ARHGAP22: variants seen among roughly 807,000 people sequenced by gnomAD.
The protein encoded by ARHGAP22 is rho GTPase-activating protein 22.
A neutral mutation model predicts 59.1 loss-of-function variants in ARHGAP22; 48 were observed. That is an observed-to-expected ratio of 0.81 (90% CI 0.64 to 1.03). The LOEUF (loss-of-function observed/expected upper bound fraction) is 1.03, where lower values mean the gene tolerates loss of function less well. Ranked by LOEUF, ARHGAP22 falls within the 50% of genes least tolerant of loss-of-function variation. The pLI is 0.00. For synonymous variants in ARHGAP22, 445 were observed against 416.4 expected (o/e 1.07, Z -0.84); for missense variants, 1,015 against 958.7 (o/e 1.06, Z -0.78).
chr10:48,540,089 C>T (rs924987182), intron 3 of ARHGAP22, among the ~76,000 whole-genome samples: 15 of 152,192 alleles, frequency 9.9e-5, no homozygotes, highest in African/African-American at 3.6e-4. Context: ...CTGAGCACCT[C>T]ACCCTTAACC....
At chr10:48,496,328 G>A (rs1195430241) in intron 3 of ARHGAP22, among the ~76,000 whole-genome samples, 6 of 152,084 alleles carry the variant, frequency 3.9e-5, no homozygotes, top group Admixed American at 2.0e-4. Flanking sequence ...AGATGGGGAC[G>A]GTAATAACAT....
chr10:48,526,747 C>T (rs1235956979), intron 3 of ARHGAP22, among the ~76,000 whole-genome samples: 1 of 152,166 alleles, frequency 6.6e-6, no homozygotes, highest in Non-Finnish European at 1.5e-5. Context: ...AAAGCAGGAT[C>T]GTTTCAAATG....
chr10:48,633,817 C>T (rs554783021), intron 1 of ARHGAP22, among the ~76,000 whole-genome samples: 4 of 152,262 alleles, frequency 2.6e-5, no homozygotes, highest in Admixed American at 1.3e-4. Flanking sequence ...GATCATTCCA[C>T]GGGGCTAAGA....
chr10:48,447,039 C>T (rs2133495183), intron 9 of ARHGAP22, among the ~76,000 whole-genome samples: 1 of 152,312 alleles, frequency 6.6e-6, no homozygotes, highest in South Asian at 2.1e-4. Context: ...GCTCCCCACA[C>T]TGTCCCCATG....
chr10:48,574,105 G>A (rs890786626), intron 2 of ARHGAP22, among the ~76,000 whole-genome samples: 4 of 152,204 alleles, frequency 2.6e-5, no homozygotes, highest in Non-Finnish European at 4.4e-5. Flanking sequence ...CAGTCTGATA[G>A]GGAAGGCAGT....
intron 1 of ARHGAP22, among the ~76,000 whole-genome samples, chr10:48,650,924 G>A (rs997508052): frequency 2.6e-5 from 4 of 152,142 alleles, no homozygotes; most frequent in Admixed American, 6.5e-5. Flanking sequence ...GCACGAGGCC[G>A]GCCCAGGGGT....
chr10:48,493,295 C>T, intron 3 of ARHGAP22: 1 of 927,372 alleles, frequency 1.1e-6, no homozygotes, highest in South Asian at 1.7e-5. Context: ...TCCCTGCTGT[C>T]CTCCCAGTCT....
chr10:48,519,050 GAGCA>G (rs1212150649), intron 3 of ARHGAP22, among the ~76,000 whole-genome samples: 1 of 152,160 alleles, frequency 6.6e-6, no homozygotes, highest in African/African-American at 2.4e-5. Flanking sequence ...CCAGAGGGCC[GAGCA>G]AGCAAGCAAG....
At chr10:48,549,248 A>G (rs1175342736) in intron 3 of ARHGAP22, among the ~76,000 whole-genome samples, 1 of 152,164 alleles carries the variant, frequency 6.6e-6, no homozygotes, top group Non-Finnish European at 1.5e-5. Context: ...GCTACTATTG[A>G]GATGGAGGGA....
chr10:48,581,918 G>C (rs112555525), intron 2 of ARHGAP22, among the ~76,000 whole-genome samples: 9 of 152,336 alleles, frequency 5.9e-5, no homozygotes, highest in African/African-American at 2.2e-4. Context: ...GATGAGGCCT[G>C]TTCCCTTTTC....
At chr10:48,591,009 C>T (rs2135744201) in intron 1 of ARHGAP22, among the ~76,000 whole-genome samples, 1 of 152,254 alleles carries the variant, frequency 6.6e-6, no homozygotes, top group Non-Finnish European at 1.5e-5. Context: ...GAAGAGCTTC[C>T]TCAAGGTCAC....
At chr10:48,524,174 C>T in intron 3 of ARHGAP22, 2 of 1,121,738 alleles carry the variant, frequency 1.8e-6, no homozygotes, top group Non-Finnish European at 2.2e-6. Context: ...GGCGGCGCGG[C>T]CGAGGTCCGG....
At chr10:48,584,979 G>A (rs960747224) in intron 1 of ARHGAP22, among the ~76,000 whole-genome samples, 2 of 127,336 alleles carry the variant, frequency 1.6e-5, no homozygotes, top group South Asian at 5.7e-4. Context: ...GGGCAACAGA[G>A]CAAGACTCAG....
chr10:48,553,665 C>T (rs1343005299), intron 3 of ARHGAP22, among the ~76,000 whole-genome samples: 1 of 152,184 alleles, frequency 6.6e-6, no homozygotes, highest in Non-Finnish European at 1.5e-5. Context: ...TGTCCATCTT[C>T]TAATTTCTGG....
At chr10:48,490,968 C>T (rs2134217895) in intron 3 of ARHGAP22, among the ~76,000 whole-genome samples, 1 of 152,336 alleles carries the variant, frequency 6.6e-6, no homozygotes, top group South Asian at 2.1e-4. Context: ...CAGAACATAG[C>T]TGCAATCTGG....
chr10:48,517,577 C>T (rs928977716), intron 3 of ARHGAP22, among the ~76,000 whole-genome samples: 11 of 152,128 alleles, frequency 7.2e-5, no homozygotes, highest in Non-Finnish European at 1.0e-4. Flanking sequence ...CCCTAAGGGC[C>T]GAGGTCAGGG....
At chr10:48,622,999 C>G (rs938982955) in intron 1 of ARHGAP22, among the ~76,000 whole-genome samples, 1 of 152,248 alleles carries the variant, frequency 6.6e-6, no homozygotes. Flanking sequence ...ATATTTTACT[C>G]TGGTCAATAA....
intron 3 of ARHGAP22, among the ~76,000 whole-genome samples, chr10:48,488,734 T>G (rs1051783434): frequency 3.3e-5 from 5 of 152,246 alleles, no homozygotes; most frequent in Non-Finnish European, 5.9e-5. Context: ...CTGTTGCCTC[T>G]GATCCTTTCT....
intron 1 of ARHGAP22, among the ~76,000 whole-genome samples, chr10:48,597,800 A>G (rs1455334568): frequency 6.6e-6 from 1 of 152,228 alleles, no homozygotes; most frequent in Non-Finnish European, 1.5e-5. Context: ...TGTCGATTAT[A>G]AATTTCATTT....
Sources: gnomAD v4.1 joint callset for allele counts (sites outside exome capture counted in the v4.1 genomes callset) on GRCh38, gnomAD v4.1.1 for gene constraint, MANE v1.5 for transcripts, NCBI Gene and HGNC (gene_info 2026-07-23, HGNC 2026-07-21) for gene names.